Variants in EYA2 observed in about 807,000 individuals in gnomAD.
EYA2 encodes the protein EYA transcriptional coactivator and phosphatase 2, also known as protein phosphatase EYA2.
Under a neutral mutation model 69.2 loss-of-function variants are expected in EYA2, and 31 were observed. The observed-to-expected ratio is 0.45, with a 90% CI of 0.34 to 0.60. The LOEUF (loss-of-function observed/expected upper bound fraction) is 0.60. Ranked by LOEUF, EYA2 falls within the 20% of genes least tolerant of loss-of-function variation. EYA2 has a pLI of 0.02. For missense variants in EYA2, 622 were observed against 701.2 expected, an observed-to-expected ratio of 0.89 and a Z score of 1.28; for synonymous variants, 257 against 279.4, an observed-to-expected ratio of 0.92 and a Z score of 0.80.
intron 12 of EYA2, among the ~76,000 whole-genome samples, chr20:47,173,453 C>T (rs905385011): frequency 7.3e-6 from 1 of 136,540 alleles, no homozygotes; most frequent in Non-Finnish European, 1.5e-5. Context: ...GCAGAGTCTG[C>T]AGTGACCCAA....
rs922927655 is a variant in EYA2, at chr20:47,097,115, A to G, written c.835A>G (p.Ile279Val). Residue 279 changes from isoleucine to valine, a missense_variant, in exon 9 of 16, where the codon ATA becomes GTA. Ile to Val is a conservative substitution (Grantham distance 29). This residue lies in a region of EYA2 where 257 missense variants were observed against 351.5 expected (regional missense o/e 0.73). Coordinates refer to ENST00000327619, the MANE Select transcript of EYA2 (RefSeq NM_005244.5). ...RVFVWDLDET[I>V]IIFHSLLTGT... Reference sequence around the variant, plus strand: ...GTTCGTGTGGGACTTGGATGAGACAATAATTATTTTTCACTCCTTACTCAC... The same window carrying G: ...GTTCGTGTGGGACTTGGATGAGACAGTAATTATTTTTCACTCCTTACTCAC... The G allele has an allele frequency of 6.2e-7, 1 of 1,611,538 alleles. No homozygotes were observed. The highest frequency in any genetic ancestry group is 1.1e-5 in the South Asian group (1 of 90,454).
At chr20:47,132,386 A>G (rs1465604279) in intron 9 of EYA2, among the ~76,000 whole-genome samples, 3 of 152,244 alleles carry the variant, frequency 2.0e-5, no homozygotes, top group Admixed American at 6.5e-5. Flanking sequence ...AGGTTAAACT[A>G]TCGCATGGGA....
rs561021220 is a variant in EYA2 at position 46,995,257 on chromosome 20, A to C, written c.109+5138A>C. Among the ~76,000 whole-genome samples, 126 of 152,348 alleles carry C rather than the reference A, an allele frequency of 8.3e-4. 4 individuals carry two copies. The South Asian group carries it at 0.025, about 31-fold the overall frequency. ...AAATTCATTTTAAAAGGATGACTTA[A>C]GCCAGTTCCAGAAATGAAACGTTAT... On this transcript the variant is annotated intron_variant, in intron 2 of 15. Coordinates refer to ENST00000327619, the MANE Select transcript of EYA2 (RefSeq NM_005244.5).
At chr20:46,975,403 C>T (rs1980399331) in intron 1 of EYA2, among the ~76,000 whole-genome samples, 1 of 152,200 alleles carries the variant, frequency 6.6e-6, no homozygotes. Flanking sequence ...GGCACAGTGG[C>T]TTATGCCTAT....
At chr20:47,084,751 G>A (rs984262855) in intron 7 of EYA2, among the ~76,000 whole-genome samples, 1 of 151,970 alleles carries the variant, frequency 6.6e-6, no homozygotes, top group African/African-American at 2.4e-5. Flanking sequence ...CCAAGGGCTG[G>A]CAAGGATGTG....
At chr20:47,180,514 A>G (rs1214761833) in intron 13 of EYA2, among the ~76,000 whole-genome samples, 1 of 152,152 alleles carries the variant, frequency 6.6e-6, no homozygotes, top group Non-Finnish European at 1.5e-5. Flanking sequence ...CTTGTCCTAC[A>G]CTTGTTCCAT....
At chr20:47,106,651 A>G (rs769334852) in intron 9 of EYA2, among the ~76,000 whole-genome samples, 1 of 151,878 alleles carries the variant, frequency 6.6e-6, no homozygotes, top group African/African-American at 2.4e-5. Context: ...GAGGCTGGCT[A>G]TGGTCCTATC....
chr20:47,145,354 G>T (rs1185766751), intron 10 of EYA2, among the ~76,000 whole-genome samples: 1 of 152,074 alleles, frequency 6.6e-6, no homozygotes, highest in Admixed American at 6.6e-5. Context: ...AAGTGCAAAG[G>T]TCCTGAGTGA....
intron 1 of EYA2, among the ~76,000 whole-genome samples, chr20:46,937,649 ATTT>A (rs5841661): frequency 0.12 from 15,487 of 128,402 alleles, 786 homozygotes; most frequent in East Asian, 0.32. Flanking sequence ...TCATGCCTTG[ATTT>A]TTTTTTTTTT....
chr20:47,133,042 C>A (rs979159727), intron 9 of EYA2, among the ~76,000 whole-genome samples: 1 of 152,102 alleles, frequency 6.6e-6, no homozygotes, highest in Non-Finnish European at 1.5e-5. Flanking sequence ...TGATTATAAG[C>A]GACAGAAATT....
intron 7 of EYA2, among the ~76,000 whole-genome samples, chr20:47,087,778 A>G (rs1370036860): frequency 6.6e-6 from 1 of 152,202 alleles, no homozygotes; most frequent in Non-Finnish European, 1.5e-5. Flanking sequence ...TGCGTCTCTC[A>G]CTAATCCACA....
At chr20:47,002,669 G>T (rs1034249017) in intron 3 of EYA2, among the ~76,000 whole-genome samples, 1 of 152,112 alleles carries the variant, frequency 6.6e-6, no homozygotes, top group Non-Finnish European at 1.5e-5. Flanking sequence ...ATGAACATAT[G>T]CGTGCATGCA....
intron 1 of EYA2, among the ~76,000 whole-genome samples, chr20:46,910,445 C>T (rs1984588921): frequency 6.6e-6 from 1 of 152,188 alleles, no homozygotes; most frequent in South Asian, 2.1e-4. Flanking sequence ...CAACATGAGA[C>T]TTGGGTGTGG....
chr20:46,904,992 T>C lies in EYA2; in HGVS notation c.-11+10005T>C, dbSNP rs950665343. On this transcript the variant is annotated intron_variant, in intron 1 of 15. Coordinates refer to ENST00000327619, the MANE Select transcript of EYA2 (RefSeq NM_005244.5). ...GCTCTCCCCATGGATGTTTTAATCT[T>C]CTGCTGTTACCTAATGAATGAAACT... Among the ~76,000 whole-genome samples, 3 of 152,090 alleles carry C rather than the reference T, an allele frequency of 2.0e-5. No homozygotes were observed. In the East Asian group the frequency reaches 5.8e-4, roughly 29 times the overall value.
rs543068127 is a variant in EYA2 at position 47,061,881 on chromosome 20, C to G, written c.416-10304C>G. 6.6e-5 allele frequency among the ~76,000 whole-genome samples: 10 copies of G among 152,230 alleles called. No individual in the cohort carries two copies. In the South Asian group the frequency reaches 2.1e-3, roughly 32 times the overall value. ...AGACATTTGGAAACGGATTCTTCCC[C>G]ACAGAGCTGAGAAACACAGGCGTAC... On this transcript the variant is annotated intron_variant, in intron 5 of 15. Transcript: ENST00000327619.
intron 1 of EYA2, among the ~76,000 whole-genome samples, chr20:46,936,933 C>T (rs559376314): frequency 1.3e-5 from 2 of 152,292 alleles, no homozygotes; most frequent in East Asian, 3.9e-4. Context: ...GTCCCAGAAG[C>T]AGTGATGCCT....
At chr20:47,106,702 T>C (rs1024089336) in intron 9 of EYA2, among the ~76,000 whole-genome samples, 1 of 152,100 alleles carries the variant, frequency 6.6e-6, no homozygotes, top group Non-Finnish European at 1.5e-5. Context: ...TCTTAGGTTT[T>C]GCTTCCTGGC....
intron 5 of EYA2, among the ~76,000 whole-genome samples, chr20:47,019,410 A>G (rs1442881802): frequency 6.6e-6 from 1 of 152,032 alleles, no homozygotes; most frequent in African/African-American, 2.4e-5. Flanking sequence ...ATTCCTCCTT[A>G]AGTATTTTTT....
intron 5 of EYA2, among the ~76,000 whole-genome samples, chr20:47,071,255 G>A (rs1394291768): frequency 2.0e-5 from 3 of 152,010 alleles, no homozygotes; most frequent in Non-Finnish European, 2.9e-5. Flanking sequence ...TGATCCTCCC[G>A]TCTCAGCCTC....
Sources: allele counts gnomAD v4.1 joint callset (sites outside exome capture counted in the v4.1 genomes callset), GRCh38; gene constraint gnomAD v4.1.1; regional missense constraint gnomAD v4.1.1; transcripts MANE v1.5; gene names NCBI Gene and HGNC (gene_info 2026-07-23, HGNC 2026-07-21).